The following OCA2 variants were observed in gnomAD, a reference collection of about 807,000 sequenced individuals.
The protein encoded by OCA2 is OCA2 melanosomal transmembrane protein, also known as P protein.
In OCA2, 77 loss-of-function variants were observed where a neutral mutation model predicts 100.2. The ratio of observed to expected loss-of-function variants is 0.77; its 90% CI spans 0.64 to 0.93. The LOEUF (loss-of-function observed/expected upper bound fraction) is 0.93, where lower values mean the gene tolerates loss of function less well. OCA2 is among the 40% of genes least tolerant of loss of function. The probability of loss-of-function intolerance (pLI) is 0.00; values close to 1 mark genes in which losing one functional copy is unlikely to be tolerated. For missense variants in OCA2, 1,062 were observed against 1,089.1 expected (o/e 0.98, Z 0.35); for synonymous variants, 432 against 439.2 (o/e 0.98, Z 0.21).
chr15:27,961,003 G>C (rs1397386030), intron 15 of OCA2, among the ~76,000 whole-genome samples: 1 of 151,744 alleles, frequency 6.6e-6, no homozygotes, highest in Non-Finnish European at 1.5e-5. Context: ...ACTACCATCA[G>C]AGTGAACAGG....
intron 19 of OCA2, among the ~76,000 whole-genome samples, chr15:27,892,663 A>G (rs1208823411): frequency 6.6e-6 from 1 of 152,180 alleles, no homozygotes; most frequent in Admixed American, 6.5e-5. Flanking sequence ...TTGCCAAAAA[A>G]GAGTAAAATG....
At chr15:27,793,186 T>C (rs578042283) in intron 23 of OCA2, among the ~76,000 whole-genome samples, 1 of 152,342 alleles carries the variant, frequency 6.6e-6, no homozygotes, top group Admixed American at 6.5e-5. Flanking sequence ...CATCATCTAT[T>C]ACAGGATGCT....
At chr15:27,883,252 A>G (rs1367838121) in intron 19 of OCA2, among the ~76,000 whole-genome samples, 1 of 152,000 alleles carries the variant, frequency 6.6e-6, no homozygotes, top group Non-Finnish European at 1.5e-5. Context: ...AAACAGGAAA[A>G]CCACCCCGAG....
intron 14 of OCA2, among the ~76,000 whole-genome samples, chr15:27,977,272 A>G (rs776348348): frequency 1.8e-4 from 28 of 152,026 alleles, no homozygotes; most frequent in Non-Finnish European, 3.1e-4. Flanking sequence ...TCTTCTGCTT[A>G]CTTTTAGTTT....
intron 23 of OCA2, among the ~76,000 whole-genome samples, chr15:27,775,303 G>A (rs895672750): frequency 2.6e-5 from 4 of 152,140 alleles, no homozygotes; most frequent in African/African-American, 9.7e-5. Context: ...CCTCTGTCAC[G>A]TGTTCTCTTC....
intron 1 of OCA2, among the ~76,000 whole-genome samples, chr15:28,084,749 A>G (rs79393037): frequency 6.6e-6 from 1 of 152,160 alleles, no homozygotes. Context: ...GCTGTGGGCC[A>G]GCAAGAAGTT....
chr15:28,014,708 G>A, intron 9 of OCA2, 68 bp downstream of exon 9: 15 of 1,547,156 alleles, frequency 9.7e-6, no homozygotes, highest in East Asian at 6.9e-5. Flanking sequence ...CATCCAGAGT[G>A]TCTCACGGAT....
chr15:27,794,615 C>G (rs796804101), intron 23 of OCA2, among the ~76,000 whole-genome samples: 1 of 151,982 alleles, frequency 6.6e-6, no homozygotes, highest in South Asian at 2.1e-4. Flanking sequence ...GATCACTGTA[C>G]GTTAGATAAA....
intron 23 of OCA2, among the ~76,000 whole-genome samples, chr15:27,793,455 C>T (rs1217602105): frequency 6.6e-6 from 1 of 151,616 alleles, no homozygotes; most frequent in African/African-American, 2.4e-5. Context: ...ACCTTTTCTC[C>T]TATCAGGATT....
intron 19 of OCA2, among the ~76,000 whole-genome samples, chr15:27,889,294 C>A (rs1028075245): frequency 6.6e-6 from 1 of 152,180 alleles, no homozygotes; most frequent in Non-Finnish European, 1.5e-5. Context: ...TGCTCTCTCT[C>A]ACCTTTGAGG....
intron 23 of OCA2, among the ~76,000 whole-genome samples, chr15:27,836,222 G>A (rs533726105): frequency 2.0e-5 from 3 of 152,332 alleles, no homozygotes; most frequent in South Asian, 4.1e-4. Context: ...CAAACCAACA[G>A]GAGAGGTTCT....
rs368293640 is a variant in OCA2 at position 27,824,578 on chromosome 15, T to TTCTCTCTCTCTCTCTC, written c.2432+20365_2432+20380dup. ...CTAATTTCTTTTGAATAAATACAATTTCTCTCTCTCTCTCTCTCTCTCTCT... is the reference window on the plus strand; with the variant it reads ...CTAATTTCTTTTGAATAAATACAATTTCTCTCTCTCTCTCTCTCTCTCTCTCTCTCTCTCTCTCTCT... On this transcript the variant is annotated intron_variant, in intron 23 of 23. Transcript: ENST00000354638. Among the ~76,000 whole-genome samples, 132 of 53,480 alleles carry TTCTCTCTCTCTCTCTC rather than the reference T, an allele frequency of 2.5e-3. 12 individuals are homozygous for TTCTCTCTCTCTCTCTC. The highest frequency in any genetic ancestry group is 0.015 in the East Asian group (2 of 132). The allele number at this position is 53,480 out of a possible 152,430, so 35.1% of individuals were successfully genotyped here. A position where few individuals can be genotyped will look rare whatever the true frequency, so the allele number is the denominator to read the frequency against.
intron 1 of OCA2, among the ~76,000 whole-genome samples, chr15:28,082,479 G>A (rs4074659): frequency 0.013 from 1,991 of 152,218 alleles, 49 homozygotes; most frequent in African/African-American, 0.045. Context: ...AACCAACTCC[G>A]GACACCCTAG....
chr15:27,806,478 T>C (rs6497237), intron 23 of OCA2, among the ~76,000 whole-genome samples: 110,927 of 152,120 alleles, frequency 0.73, 41,794 homozygotes, highest in East Asian at 1. Flanking sequence ...GCACCCCGGC[T>C]CCGCTCCCTG....
At chr15:28,095,858 C>T (rs746977696) in intron 1 of OCA2, among the ~76,000 whole-genome samples, 4 of 152,206 alleles carry the variant, frequency 2.6e-5, no homozygotes, top group Non-Finnish European at 5.9e-5. Flanking sequence ...CAACTCCCCT[C>T]TGGTGGACAG....
chr15:27,753,055 G>C (rs1372224011), downstream of OCA2, among the ~76,000 whole-genome samples: 1 of 151,974 alleles, frequency 6.6e-6, no homozygotes, highest in East Asian at 1.9e-4. Flanking sequence ...CAACATTGAG[G>C]GGCAGTAAAG....
At chr15:27,728,120 A>G in the OCA2 span, among the ~76,000 whole-genome samples, 1 of 152,308 alleles carries the variant, frequency 6.6e-6, no homozygotes, top group South Asian at 2.1e-4. Context: ...TAAAAGCCCA[A>G]AATATCATCT....
In OCA2 at chr15:27,953,749, C is replaced by CTT. The variant is rs536601033; in HGVS notation, c.1842+1407_1842+1408dup. ...GAGGTCATTTCTTTTTTTCTGTTTT[C>CTT]TTTTTTTTTTCTTTTTCTTATTTCA... On this transcript the variant is annotated intron_variant, in intron 17 of 23. Coordinates refer to ENST00000354638, the MANE Select transcript of OCA2 (RefSeq NM_000275.3). Among the ~76,000 whole-genome samples the CTT allele has an allele frequency of 3.0e-3, 450 of 148,976 alleles. 5 individuals carry two copies. The highest frequency in any genetic ancestry group is 0.011 in the African/African-American group (429 of 40,378).
chr15:27,758,365 G>C (rs535368750), intron 23 of OCA2, among the ~76,000 whole-genome samples: 1 of 152,294 alleles, frequency 6.6e-6, no homozygotes, highest in Admixed American at 6.5e-5. Context: ...TAAGCTCCTT[G>C]GTGAAGGCCA....
Sources: allele counts gnomAD v4.1 joint callset (sites outside exome capture counted in the v4.1 genomes callset), GRCh38; gene constraint gnomAD v4.1.1; transcripts MANE v1.5; gene names NCBI Gene and HGNC (gene_info 2026-07-23, HGNC 2026-07-21).